ENOX1: variants seen among roughly 807,000 people sequenced by gnomAD.
ENOX1 encodes the protein candidate growth-related and time keeping constitutive hydroquinone (NADH) oxidase.
Under a neutral mutation model 82.5 loss-of-function variants are expected in ENOX1, and 42 were observed. The ratio of observed to expected loss-of-function variants is 0.51; its 90% CI spans 0.40 to 0.66. The LOEUF (loss-of-function observed/expected upper bound fraction) is 0.66, where lower values mean the gene tolerates loss of function less well. ENOX1 is among the 30% of genes least tolerant of loss of function. The probability of loss-of-function intolerance (pLI) is 0.00; values close to 1 mark genes in which losing one functional copy is unlikely to be tolerated. For synonymous variants in ENOX1, 271 were observed against 282.2 expected (o/e 0.96, Z 0.40); for missense variants, 608 against 811.6 (o/e 0.75, Z 3.05).
At chr13:43,415,230 ATGTTTT>A (rs894332618) in intron 3 of ENOX1, among the ~76,000 whole-genome samples, 1 of 52,734 alleles carries the variant, frequency 1.9e-5, no homozygotes, top group African/African-American at 6.2e-5. Flanking sequence ...TCCCAATCCA[ATGTTTT>A]TTTTTTTTTT....
intron 2 of ENOX1, among the ~76,000 whole-genome samples, chr13:43,509,236 C>T (rs990110722): frequency 1.3e-5 from 2 of 151,886 alleles, no homozygotes; most frequent in African/African-American, 4.8e-5. Flanking sequence ...GAATAAATGC[C>T]TGTCCTAATG....
chr13:43,515,562 A>G (rs968737907), intron 2 of ENOX1, among the ~76,000 whole-genome samples: 1 of 152,174 alleles, frequency 6.6e-6, no homozygotes, highest in Non-Finnish European at 1.5e-5. Flanking sequence ...CAAGGTAGAT[A>G]ATAGTATTAC....
chr13:43,697,638 C>A (rs1485686476), intron 1 of ENOX1, among the ~76,000 whole-genome samples: 1 of 152,188 alleles, frequency 6.6e-6, no homozygotes, highest in African/African-American at 2.4e-5. Flanking sequence ...CTCAGCCTCT[C>A]CAGAACTAGC....
chr13:43,543,896 TTG>T (rs918141236), intron 2 of ENOX1: 1 of 149,168 alleles, frequency 6.7e-6, no homozygotes. Flanking sequence ...ATCTACATTA[TTG>T]TCTTTTTTCT....
chr13:43,268,061 C>G (rs111914108), intron 13 of ENOX1, among the ~76,000 whole-genome samples: 66 of 152,150 alleles, frequency 4.3e-4, no homozygotes, highest in Non-Finnish European at 7.8e-4. Context: ...TTCAGCAAAA[C>G]TCAGAATCTA....
intron 1 of ENOX1, among the ~76,000 whole-genome samples, chr13:43,722,776 C>T (rs1283416935): frequency 6.6e-6 from 1 of 152,072 alleles, no homozygotes; most frequent in Non-Finnish European, 1.5e-5. Context: ...AAGCCAACCA[C>T]CTTCCACTGA....
At chr13:43,449,069 G>C (rs2056813245) in intron 3 of ENOX1, among the ~76,000 whole-genome samples, 6 of 152,206 alleles carry the variant, frequency 3.9e-5, no homozygotes, top group African/African-American at 1.4e-4. Context: ...ATACAGTCTA[G>C]GCAAAGTGCT....
chr13:43,264,444 A>G (rs1371736848), intron 14 of ENOX1, among the ~76,000 whole-genome samples: 10 of 152,264 alleles, frequency 6.6e-5, no homozygotes, highest in Non-Finnish European at 1.5e-4. Context: ...TCCTATGAGC[A>G]CACAAGTCCT....
chr13:43,723,962 T>C (rs950766303), intron 1 of ENOX1, among the ~76,000 whole-genome samples: 2 of 152,194 alleles, frequency 1.3e-5, no homozygotes, highest in African/African-American at 2.4e-5. Context: ...TACAACACCT[T>C]ATCTCTTCAC....
In ENOX1 at chr13:43,715,423, C is replaced by T. The variant is rs540864299; in HGVS notation, c.-284-47879G>A. On this transcript the variant is annotated intron_variant, in intron 1 of 16. Coordinates refer to ENST00000690772, the MANE Select transcript of ENOX1 (RefSeq NM_001347969.2). ...CTCTTCTCGGAGTGTCTTGGAGTAT[C>T]TTTGTGGCTCTTCTCGGAGTATCTT... Among the ~76,000 whole-genome samples, 14 of 151,746 alleles carry T rather than the reference C, an allele frequency of 9.2e-5. No homozygotes were observed. In the South Asian group the frequency reaches 3.0e-3, roughly 32 times the overall value.
chr13:43,555,818 T>C (rs1203851931), intron 2 of ENOX1, among the ~76,000 whole-genome samples: 1 of 152,232 alleles, frequency 6.6e-6, no homozygotes, highest in East Asian at 1.9e-4. Flanking sequence ...CAAAGAACAC[T>C]GCTACTCTCT....
chr13:43,361,543 T>C (rs1327446512), intron 5 of ENOX1, 91 bp from the exon 6 acceptor site: 1 of 1,209,704 alleles, frequency 8.3e-7, no homozygotes, highest in Non-Finnish European at 1.1e-6. Context: ...TTTGACTTTA[T>C]ACTTTCTATT....
chr13:43,763,055 A>T (rs966789687), intron 1 of ENOX1, among the ~76,000 whole-genome samples: 3 of 152,236 alleles, frequency 2.0e-5, no homozygotes, highest in Non-Finnish European at 4.4e-5. Context: ...GGAGAAGTTG[A>T]AAATCTTAGA....
intron 5 of ENOX1, among the ~76,000 whole-genome samples, chr13:43,382,250 A>AAC (rs762605025): frequency 1.3e-5 from 2 of 152,210 alleles, no homozygotes; most frequent in East Asian, 3.9e-4. Context: ...AAAAAAGAGA[A>AAC]ACACACACAC....
At chr13:43,247,840 TATATATATATATATATATATATATATA>T (rs1566328243) in intron 14 of ENOX1, among the ~76,000 whole-genome samples, 1 of 1,566 alleles carries the variant, frequency 6.4e-4, no homozygotes, top group Non-Finnish European at 1.1e-3. Context: ...TATATATATA[TATATATATATATATATATATATATATA>T]TATATATATA....
intron 3 of ENOX1, among the ~76,000 whole-genome samples, chr13:43,436,149 A>G (rs1192215979): frequency 6.6e-6 from 1 of 152,208 alleles, no homozygotes; most frequent in Non-Finnish European, 1.5e-5. Flanking sequence ...TTATTCTCTA[A>G]AAAGTTGCTT....
chr13:43,664,248 C>T (rs951911587), intron 2 of ENOX1, among the ~76,000 whole-genome samples: 2 of 152,048 alleles, frequency 1.3e-5, no homozygotes, highest in Non-Finnish European at 2.9e-5. Context: ...TTATCAAGTC[C>T]ATGAGAATCT....
chr13:43,308,040 T>C (rs1348946433), intron 11 of ENOX1, among the ~76,000 whole-genome samples: 2 of 152,184 alleles, frequency 1.3e-5, no homozygotes, highest in African/African-American at 2.4e-5. Context: ...CTTCCCTCTC[T>C]CACTGCTGAC....
chr13:43,488,350 CA>C (rs1005184567), intron 2 of ENOX1, among the ~76,000 whole-genome samples: 1 of 152,176 alleles, frequency 6.6e-6, no homozygotes, highest in African/African-American at 2.4e-5. Context: ...TATTCCCCTC[CA>C]GAGAAACCAT....
Sources: gnomAD v4.1 joint callset for allele counts (sites outside exome capture counted in the v4.1 genomes callset) on GRCh38, gnomAD v4.1.1 for gene constraint, MANE v1.5 for transcripts, NCBI Gene and HGNC (gene_info 2026-07-23, HGNC 2026-07-21) for gene names.